The following OVCH2 variants were observed in gnomAD, a reference collection of about 807,000 sequenced individuals.
OVCH2 encodes ovochymase-2.
A neutral mutation model predicts 73.7 loss-of-function variants in OVCH2; 88 were observed. The ratio of observed to expected loss-of-function variants is 1.19; its 90% CI spans 1.01 to 1.43. OVCH2 has a LOEUF of 1.43. Among genes scored for constraint, OVCH2 ranks in the 40% most tolerant of loss-of-function variants. The pLI, the probability that OVCH2 is intolerant of heterozygous loss-of-function variation, is 0.00. For synonymous variants in OVCH2, 265 were observed against 234.5 expected (o/e 1.13, Z -1.19); for missense variants, 706 against 674.5 (o/e 1.05, Z -0.52).
Position 7,696,690 on chromosome 11 carries a change from T to C in OVCH2, c.1016+19A>G, listed in dbSNP as rs1475571522. 6.2e-7 allele frequency: 1 copy of C among 1,612,880 alleles called. No homozygotes were observed. Among genetic ancestry groups the C allele is most frequent in the Admixed American group, 1.7e-5 (1 of 59,910 alleles). Reference sequence around the variant, plus strand: ...CGGAGGTGGGAGTAAGGAGGAGGAGTACAAAGGGGGTTACTCACTGCTTGC... The same window carrying C: ...CGGAGGTGGGAGTAAGGAGGAGGAGCACAAAGGGGGTTACTCACTGCTTGC... On this transcript the variant is annotated intron_variant, in intron 9 of 15. Transcript: ENST00000533663.
At chr11:7,699,939 A>ATT (rs5789539) in intron 7 of OVCH2, 3 of 183,668 alleles carry the variant, frequency 1.6e-5, no homozygotes, top group East Asian at 1.5e-4. Context: ...AGTTTGCTGG[A>ATT]TTTTTTTGAG....
At chr11:7,693,163 C>CT (rs2136152304) in intron 12 of OVCH2, among the ~76,000 whole-genome samples, 1 of 152,260 alleles carries the variant, frequency 6.6e-6, no homozygotes, top group African/African-American at 2.4e-5. Flanking sequence ...AATAGGAACT[C>CT]TAATTTTAAC....
chr11:7,693,072 TAAAG>T (rs974176379), intron 12 of OVCH2, among the ~76,000 whole-genome samples: 1 of 152,102 alleles, frequency 6.6e-6, no homozygotes, highest in African/African-American at 2.4e-5. Flanking sequence ...AAAGAAACAA[TAAAG>T]AGTGATCTTG....
intron 2 of OVCH2, 140 bp from the exon 3 acceptor site, chr11:7,703,929 C>A: frequency 1.4e-6 from 1 of 721,408 alleles, no homozygotes; most frequent in Non-Finnish European, 2.3e-6. Flanking sequence ...AAAGATAAAG[C>A]CCAGACACTA....
intron 8 of OVCH2, among the ~76,000 whole-genome samples, chr11:7,698,159 A>G (rs917558177): frequency 1.3e-5 from 2 of 152,028 alleles, no homozygotes; most frequent in Non-Finnish European, 2.9e-5. Context: ...TGTGCATCAG[A>G]GCTCCCCTGT....
At position 7,701,403 on chromosome 11, in the gene OVCH2, A is replaced by G; in HGVS notation, c.632T>C (p.Leu211Pro). 6.2e-7 allele frequency: 1 copy of G among 1,613,040 alleles called. No individual in the cohort carries two copies. Among genetic ancestry groups the G allele is most frequent in the Non-Finnish European group, 8.5e-7 (1 of 1,179,574 alleles). ...ACTGATGGGCCTCTTTAGTGTTAAC[A>G]GAGCTGCCACACACTCTTCCCAGGT... ...ILTWEECVAA[L>P]LTLKRPISGK... Residue 211 changes from leucine (L) to proline (P), a missense_variant, in exon 6 of 16, where the codon CTG (leucine) becomes CCG (proline). By Grantham distance (98) the Leu-to-Pro change is moderately conservative. Coordinates refer to ENST00000533663, the MANE Select transcript of OVCH2 (RefSeq NM_198185.7).
At chr11:7,706,132 T>A (rs946965070) in intron 1 of OVCH2, 175 bp downstream of exon 1, 1 of 596,110 alleles carries the variant, frequency 1.7e-6, no homozygotes, top group African/African-American at 1.9e-5. Flanking sequence ...TTTCACCCTG[T>A]GTCCTATGCC....
intron 9 of OVCH2, 22 bp from the exon 10 acceptor site, chr11:7,696,611 G>A (rs1856339284): frequency 6.2e-7 from 1 of 1,613,982 alleles, no homozygotes. Flanking sequence ...TCATGGAGAG[G>A]GCGTTATTTC....
intron 11 of OVCH2, 32 bp downstream of exon 11, chr11:7,695,538 G>C (rs1264584717): frequency 5.1e-6 from 8 of 1,580,870 alleles, no homozygotes; most frequent in Non-Finnish European, 6.9e-6. Flanking sequence ...AGAAGGTGGA[G>C]ATAGTATGTG....
chr11:7,686,744 C>CT (rs1445098477), downstream of OVCH2, among the ~76,000 whole-genome samples: 3 of 152,282 alleles, frequency 2.0e-5, no homozygotes, highest in Non-Finnish European at 2.9e-5. Flanking sequence ...TCACAGAAAG[C>CT]TTTTTTTAGA....
chr11:7,698,820 A>G, intron 7 of OVCH2, 47 bp from the exon 8 acceptor site: 1 of 1,597,708 alleles, frequency 6.3e-7, no homozygotes, highest in South Asian at 1.1e-5. Context: ...TGGTATCCTG[A>G]ACAACGCTTC....
chr11:7,701,294 G>T, intron 6 of OVCH2, 30 bp downstream of exon 6: 1 of 1,573,846 alleles, frequency 6.4e-7, no homozygotes, highest in Admixed American at 2.0e-5. Context: ...TCCTTGCCTG[G>T]GGCCTGACAG....
At chr11:7,702,111 T>C (rs375137817) in intron 4 of OVCH2, 46 bp downstream of exon 4, 11 of 1,500,004 alleles carry the variant, frequency 7.3e-6, no homozygotes, top group Middle Eastern at 1.7e-4. Context: ...ACAGAGGTTA[T>C]AGAGAACATG....
intron 14 of OVCH2, 49 bp from the exon 15 acceptor site, chr11:7,690,062 G>C: frequency 7.8e-7 from 1 of 1,280,100 alleles, no homozygotes; most frequent in South Asian, 1.3e-5. Context: ...AGACAGCCAG[G>C]GTTGGAGATT....
At chr11:7,688,250 C>T (rs1281272118), downstream of OVCH2, among the ~76,000 whole-genome samples, 3 of 152,136 alleles carry the variant, frequency 2.0e-5, no homozygotes, top group Admixed American at 6.5e-5. Flanking sequence ...CAGACCACCC[C>T]ATCCCAGGCT....
In OVCH2 at chr11:7,695,678, T is replaced by C; in HGVS notation, c.1174A>G (p.Ile392Val). Residue 392 changes from isoleucine (I) to valine (V), a missense_variant, in exon 11 of 16, where the codon ATT becomes GTT. Coordinates refer to ENST00000533663, the MANE Select transcript of OVCH2 (RefSeq NM_198185.7). Reference protein sequence around the residue: ...KFCGESLPSSILIGSNSLRLK... With the variant: ...KFCGESLPSSVLIGSNSLRLK... ...CTTAGAGAATTAGAGCCAATAAGAATGGATGAAGGGAGGCTTTCTCCACAA... is the reference window on the plus strand; with the variant it reads ...CTTAGAGAATTAGAGCCAATAAGAACGGATGAAGGGAGGCTTTCTCCACAA... 6.2e-7 allele frequency: 1 copy of C among 1,612,624 alleles called. No individual in the cohort carries two copies. The highest frequency in any genetic ancestry group is 8.5e-7 in the Non-Finnish European group (1 of 1,179,712).
At chr11:7,686,370 A>T (rs1856141744), downstream of OVCH2, among the ~76,000 whole-genome samples, 1 of 152,220 alleles carries the variant, frequency 6.6e-6, no homozygotes, top group South Asian at 2.1e-4. Context: ...AATGGATTGT[A>T]CATTAATGCT....
chr11:7,698,870 G>T, intron 7 of OVCH2, 97 bp from the exon 8 acceptor site: 1 of 1,325,306 alleles, frequency 7.5e-7, no homozygotes, highest in Non-Finnish European at 1.1e-6. Context: ...AGATTTTTAA[G>T]TCAATATGCA....
the OVCH2 span, among the ~76,000 whole-genome samples, chr11:7,681,910 C>T: frequency 7.1e-6 from 1 of 141,560 alleles, no homozygotes; most frequent in African/African-American, 2.6e-5. Context: ...CCTACTTAAA[C>T]ATGACCAGGA....
Sources: gnomAD v4.1 joint callset for allele counts (sites outside exome capture counted in the v4.1 genomes callset) on GRCh38, gnomAD v4.1.1 for gene constraint, MANE v1.5 for transcripts, NCBI Gene and HGNC (gene_info 2026-07-23, HGNC 2026-07-21) for gene names.